Variants in MGAT4C observed in about 807,000 individuals in gnomAD.
MGAT4C encodes MGAT4 family member C, also known as alpha-1,3-mannosyl-glycoprotein 4-beta-N-acetylglucosaminyltransferase C.
MGAT4C carries 19 observed loss-of-function variants against 40.1 expected under a neutral mutation model. The ratio of observed to expected loss-of-function variants is 0.47; its 90% CI spans 0.33 to 0.70. The LOEUF is 0.70. Ranked by LOEUF, MGAT4C falls within the 30% of genes least tolerant of loss-of-function variation. The pLI is 0.02. For synonymous variants in MGAT4C, 181 were observed against 187.1 expected, an observed-to-expected ratio of 0.97 and a Z score of 0.27; for missense variants, 491 against 563.2, an observed-to-expected ratio of 0.87 and a Z score of 1.30.
At chr12:86,682,583 T>C (rs1950002001) in intron 2 of MGAT4C, among the ~76,000 whole-genome samples, 1 of 152,256 alleles carries the variant, frequency 6.6e-6, no homozygotes, top group East Asian at 1.9e-4. Flanking sequence ...TCAACTACCA[T>C]GACAACTAAA....
intron 3 of MGAT4C, among the ~76,000 whole-genome samples, chr12:86,352,529 A>G (rs148736452): frequency 6.6e-6 from 1 of 152,226 alleles, no homozygotes; most frequent in Non-Finnish European, 1.5e-5. Context: ...TCAATTAACA[A>G]TGTATCTTGG....
intron 2 of MGAT4C, among the ~76,000 whole-genome samples, chr12:86,567,984 A>G (rs760176097): frequency 8.5e-5 from 13 of 152,152 alleles, no homozygotes; most frequent in Non-Finnish European, 1.3e-4. Flanking sequence ...GTTAGGTGTA[A>G]TTAAGAACTT....
chr12:86,800,307 T>C (rs927801355), intron 1 of MGAT4C, among the ~76,000 whole-genome samples: 1 of 151,922 alleles, frequency 6.6e-6, no homozygotes, highest in African/African-American at 2.4e-5. Flanking sequence ...GATCCTGATG[T>C]CTTTAATCAC....
chr12:86,640,400 T>G (rs1009288379), intron 2 of MGAT4C, among the ~76,000 whole-genome samples: 2 of 151,856 alleles, frequency 1.3e-5, no homozygotes, highest in Non-Finnish European at 2.9e-5. Context: ...TGGAAAGTTA[T>G]TTCAACCTGT....
At chr12:86,816,645 C>T (rs894172431) in intron 1 of MGAT4C, among the ~76,000 whole-genome samples, 4 of 151,552 alleles carry the variant, frequency 2.6e-5, no homozygotes, top group South Asian at 2.1e-4. Context: ...AATTTGCTAA[C>T]ATGTGCCACT....
intron 2 of MGAT4C, among the ~76,000 whole-genome samples, chr12:86,570,149 T>C (rs755471834): frequency 9.9e-5 from 15 of 152,080 alleles, no homozygotes; most frequent in Non-Finnish European, 1.8e-4. Flanking sequence ...TGACAATAGT[T>C]AATACGTTGT....
At chr12:86,067,494 A>T (rs1315611572) in intron 1 of MGAT4C, among the ~76,000 whole-genome samples, 1 of 150,616 alleles carries the variant, frequency 6.6e-6, no homozygotes, top group Non-Finnish European at 1.5e-5. Flanking sequence ...ACTCATAAGT[A>T]GGAGCTGAAC....
chr12:86,433,358 A>G (rs1463100818), intron 3 of MGAT4C, among the ~76,000 whole-genome samples: 1 of 21,320 alleles, frequency 4.7e-5, no homozygotes, highest in Non-Finnish European at 1.5e-4. Context: ...GTGTGTGTGC[A>G]TATATATATA....
At chr12:86,087,691 A>G (rs999666354) in intron 1 of MGAT4C, among the ~76,000 whole-genome samples, 1 of 152,012 alleles carries the variant, frequency 6.6e-6, no homozygotes, top group Non-Finnish European at 1.5e-5. Flanking sequence ...AAACAGGGAG[A>G]TGAAAGATTT....
intron 1 of MGAT4C, among the ~76,000 whole-genome samples, chr12:86,796,542 G>A (rs561819675): frequency 6.6e-6 from 1 of 152,052 alleles, no homozygotes; most frequent in Admixed American, 6.6e-5. Context: ...ACTTCCAGGG[G>A]CTGGAAAGAC....
At chr12:86,550,142 A>G (rs2136395125) in intron 2 of MGAT4C, among the ~76,000 whole-genome samples, 1 of 152,230 alleles carries the variant, frequency 6.6e-6, no homozygotes, top group African/African-American at 2.4e-5. Context: ...TGCCTCGTGA[A>G]GAAATAGGTA....
Position 85,979,408 on chromosome 12 carries a change from A to T in MGAT4C, c.1318T>A (p.Phe440Ile). 6.2e-7 allele frequency: 1 copy of T among 1,613,236 alleles called. No homozygotes were observed. The highest frequency in any genetic ancestry group is 1.1e-5 in the South Asian group (1 of 91,050). Residue 440 changes from phenylalanine to isoleucine, a missense_variant, in exon 5 of 5, where the codon TTT becomes ATT. Phe to Ile is a conservative substitution (Grantham distance 21, BLOSUM62 0). Transcript: ENST00000611864. ...TTTTGATTTACACCTGACATTTCAA[A>T]GTTTCCATTTTTGAATTCTCCTAGT... ...LRLGEFKNGN[F>I]EMSGVNQKIP...
intron 1 of MGAT4C, among the ~76,000 whole-genome samples, chr12:86,826,027 C>T (rs1952799690): frequency 6.6e-6 from 1 of 151,372 alleles, no homozygotes; most frequent in Non-Finnish European, 1.5e-5. Context: ...TACTAGATGT[C>T]TCCAGGAATC....
chr12:86,386,904 T>C (rs1956062901), intron 3 of MGAT4C, among the ~76,000 whole-genome samples: 1 of 152,306 alleles, frequency 6.6e-6, no homozygotes, highest in East Asian at 1.9e-4. Context: ...AGCTATTGTG[T>C]TTGCATAGCT....
At chr12:86,105,975 C>A (rs1283227593) in intron 1 of MGAT4C, among the ~76,000 whole-genome samples, 4 of 152,006 alleles carry the variant, frequency 2.6e-5, no homozygotes, top group Non-Finnish European at 5.9e-5. Flanking sequence ...AAAGTCTGAA[C>A]CTAAATGGTA....
In MGAT4C at chr12:86,325,852, G is replaced by A. The variant is rs541523174; in HGVS notation, c.-57+8213C>T. ...TGATCATACCACTGCACTCTTGCCT[G>A]GGCAACAGACTGAGACCCTGTCTCC... On this transcript the variant is annotated intron_variant, in intron 4 of 7. Coordinates refer to the MGAT4C transcript ENST00000548651. Among the ~76,000 whole-genome samples, 209 of 151,130 alleles carry A rather than the reference G, an allele frequency of 1.4e-3. 1 individual carries two copies. Among genetic ancestry groups the A allele is most frequent in the African/African-American group, 4.9e-3 (203 of 41,282 alleles).
intron 2 of MGAT4C, among the ~76,000 whole-genome samples, chr12:86,502,799 TACAC>T (rs1164682303): frequency 5.0e-4 from 63 of 125,068 alleles, no homozygotes; most frequent in Non-Finnish European, 9.3e-4. Flanking sequence ...TATATATGTA[TACAC>T]GAGTTCTGCT....
chr12:86,511,832 T>C (rs1958593304), intron 2 of MGAT4C, among the ~76,000 whole-genome samples: 1 of 152,110 alleles, frequency 6.6e-6, no homozygotes, highest in South Asian at 2.1e-4. Context: ...ACATTGGTCT[T>C]AGCAATAGTT....
intron 2 of MGAT4C, among the ~76,000 whole-genome samples, chr12:86,725,823 A>C (rs1950813392): frequency 1.3e-5 from 2 of 152,332 alleles, no homozygotes; most frequent in South Asian, 4.1e-4. Flanking sequence ...ATTAAAATAC[A>C]GTAGACACAA....
Sources: allele counts gnomAD v4.1 joint callset (sites outside exome capture counted in the v4.1 genomes callset), GRCh38; gene constraint gnomAD v4.1.1; transcripts MANE v1.5; gene names NCBI Gene and HGNC (gene_info 2026-07-23, HGNC 2026-07-21).